RIMS1: variants seen among roughly 807,000 people sequenced by gnomAD.
RIMS1 encodes the protein regulating synaptic membrane exocytosis 1.
A neutral mutation model predicts 214.1 loss-of-function variants in RIMS1; 83 were observed. The observed-to-expected ratio is 0.39, with a 90% CI of 0.32 to 0.47. The LOEUF (loss-of-function observed/expected upper bound fraction) is 0.47, where lower values mean the gene tolerates loss of function less well. Among genes scored for constraint, RIMS1 ranks in the 20% least tolerant of loss-of-function variants. RIMS1 has a pLI of 0.99. For missense variants in RIMS1, 2,050 were observed against 2,161.8 expected (o/e 0.95, Z 1.03); for synonymous variants, 793 against 786.8 (o/e 1.01, Z -0.13).
chr6:71,924,739 G>GGAGGTTGCA (rs1487285936), intron 1 of RIMS1, among the ~76,000 whole-genome samples: 1 of 147,406 alleles, frequency 6.8e-6, no homozygotes, highest in Non-Finnish European at 1.5e-5. Context: ...CCCAGGAGGA[G>GGAGGTTGCA]GAGGTTGCAG....
chr6:72,125,961 T>TG (rs1304705121), intron 4 of RIMS1, among the ~76,000 whole-genome samples: 1 of 152,212 alleles, frequency 6.6e-6, no homozygotes, highest in East Asian at 1.9e-4. Flanking sequence ...GGCGACCCCC[T>TG]GCCCTGCTTT....
chr6:72,017,298 A>C (rs1179046737), intron 2 of RIMS1, among the ~76,000 whole-genome samples: 1 of 152,214 alleles, frequency 6.6e-6, no homozygotes, highest in East Asian at 1.9e-4. Flanking sequence ...TTGCCAGTGA[A>C]AACAGTGGTA....
At chr6:71,895,705 A>G (rs903456879) in intron 1 of RIMS1, among the ~76,000 whole-genome samples, 17 of 128,080 alleles carry the variant, frequency 1.3e-4, no homozygotes, top group South Asian at 5.4e-4. Flanking sequence ...AAAGAAGGAA[A>G]GAAAGAAACT....
At chr6:72,342,969 A>ATT (rs1345797772) in intron 29 of RIMS1, among the ~76,000 whole-genome samples, 1 of 151,788 alleles carries the variant, frequency 6.6e-6, no homozygotes, top group Non-Finnish European at 1.5e-5. Context: ...GTATTAACAA[A>ATT]TGGAGAGAGT....
intron 16 of RIMS1, among the ~76,000 whole-genome samples, chr6:72,257,777 A>G (rs930533899): frequency 6.6e-6 from 1 of 152,222 alleles, no homozygotes; most frequent in Non-Finnish European, 1.5e-5. Context: ...TATTAACTAT[A>G]GTTTCATGTC....
chr6:72,227,982 CCACTT>C (rs2060742108), intron 6 of RIMS1, among the ~76,000 whole-genome samples: 1 of 151,700 alleles, frequency 6.6e-6, no homozygotes, highest in African/African-American at 2.4e-5. Flanking sequence ...TTTTTAAAAA[CCACTT>C]CACTGAGGTA....
chr6:71,929,624 G>A (rs1782484628), intron 1 of RIMS1, among the ~76,000 whole-genome samples: 1 of 152,004 alleles, frequency 6.6e-6, no homozygotes, highest in Non-Finnish European at 1.5e-5. Flanking sequence ...TTAATCAGAA[G>A]GGAGAAGATT....
In RIMS1 at chr6:72,196,580, C is replaced by CTTTTTTTGTTTTTTT. The variant is rs2050980268; in HGVS notation, c.1678+13438_1678+13439insGTTTTTTTTTTTTTT. Among the ~76,000 whole-genome samples, 2 of 57,214 alleles carry CTTTTTTTGTTTTTTT rather than the reference C, an allele frequency of 3.5e-5. 1 individual carries two copies. The highest frequency in any genetic ancestry group is 1.6e-4 in the African/African-American group (2 of 12,658). 37.5% of individuals were successfully genotyped at this position (57,214 alleles called of 152,430 possible). On this transcript the variant is annotated intron_variant, in intron 6 of 33. Transcript: ENST00000521978. ...AGTACTGTGCTGGCAGCCAGCTGCA[C>CTTTTTTTGTTTTTTT]TTTTTTTTTTTTTTTTTTTTTTTAC...
At position 71,997,137 on chromosome 6, in the gene RIMS1, G is replaced by A. The variant is rs571572727; in HGVS notation, c.245+28074G>A. 2.0e-5 allele frequency among the ~76,000 whole-genome samples: 3 copies of A among 152,204 alleles called. No homozygotes were observed. In the East Asian group the frequency reaches 5.8e-4, roughly 29 times the overall value. On this transcript the variant is annotated intron_variant, in intron 2 of 33. Transcript: ENST00000521978. ...ATGAAGTAACTTAATTACTTTTGAA[G>A]AAAGGCAAAGTTCACTTTCATGTAA...
At chr6:72,096,675 G>A (rs577072711) in intron 2 of RIMS1, among the ~76,000 whole-genome samples, 22 of 152,292 alleles carry the variant, frequency 1.4e-4, no homozygotes, top group African/African-American at 5.1e-4. Flanking sequence ...GCATGGAATA[G>A]ATACTCAAAT....
chr6:72,302,710 T>C (rs1032261233), intron 26 of RIMS1, among the ~76,000 whole-genome samples: 26 of 151,630 alleles, frequency 1.7e-4, no homozygotes, highest in African/African-American at 5.8e-4. Flanking sequence ...TCACAAAATA[T>C]GATAGCACAT....
intron 24 of RIMS1, among the ~76,000 whole-genome samples, chr6:72,288,596 C>T (rs1240799548): frequency 6.6e-6 from 1 of 152,212 alleles, no homozygotes; most frequent in East Asian, 1.9e-4. Flanking sequence ...TTCAACTTTA[C>T]ACTCTGTACC....
chr6:72,166,298 CTGT>C (rs1207174846), intron 4 of RIMS1, among the ~76,000 whole-genome samples: 5 of 108,790 alleles, frequency 4.6e-5, no homozygotes, highest in Non-Finnish European at 1.1e-4. Flanking sequence ...TCCTTGGTGT[CTGT>C]TTTTTTTTTT....
In RIMS1 at chr6:72,158,866, A is replaced by G. The variant is rs1202987334; in HGVS notation, c.472-20709A>G. 1.4e-5 allele frequency among the ~76,000 whole-genome samples: 2 copies of G among 140,446 alleles called. 1 individual carries two copies. The highest frequency in any genetic ancestry group is 3.2e-5 in the Non-Finnish European group (2 of 61,882). The allele number at this position is 140,446 out of a possible 152,430, so 92.1% of individuals were successfully genotyped here. A position where few individuals can be genotyped will look rare whatever the true frequency, so the allele number is the denominator to read the frequency against. On this transcript the variant is annotated intron_variant, in intron 4 of 33. Coordinates refer to ENST00000521978, the MANE Select transcript of RIMS1 (RefSeq NM_014989.7). ...TATTGTGAATGGTGTGGCAATAAAC[A>G]TATGTGTGCATGTGTCTTTATAGCA...
At chr6:72,333,550 G>A (rs2096741501) in intron 28 of RIMS1, 50 bp from the exon 29 acceptor site, 4 of 1,345,834 alleles carry the variant, frequency 3.0e-6, no homozygotes, top group Middle Eastern at 3.6e-4. Flanking sequence ...TTTCAGTGAT[G>A]CTGACCTGTA....
intron 4 of RIMS1, among the ~76,000 whole-genome samples, chr6:72,152,238 C>G (rs554005659): frequency 8.7e-4 from 133 of 152,262 alleles, no homozygotes; most frequent in African/African-American, 3.1e-3. Context: ...TTTTATAGCA[C>G]TTACTATGTG....
chr6:72,066,441 T>C (rs1829314077), intron 2 of RIMS1, among the ~76,000 whole-genome samples: 2 of 152,192 alleles, frequency 1.3e-5, no homozygotes, highest in South Asian at 2.1e-4. Context: ...TCATCATACA[T>C]TTTCAGATTT....
At chr6:72,302,134 T>C (rs188077182) in intron 26 of RIMS1, among the ~76,000 whole-genome samples, 1 of 151,708 alleles carries the variant, frequency 6.6e-6, no homozygotes, top group East Asian at 1.9e-4. Context: ...ATATCAGGAA[T>C]TGATCAAAGG....
chr6:72,081,160 G>A (rs1833283372), intron 2 of RIMS1, among the ~76,000 whole-genome samples: 1 of 152,160 alleles, frequency 6.6e-6, no homozygotes, highest in Non-Finnish European at 1.5e-5. Flanking sequence ...GGGTAAGAAA[G>A]GATGAGACCC....
Sources: gnomAD v4.1 joint callset for allele counts (sites outside exome capture counted in the v4.1 genomes callset) on GRCh38, gnomAD v4.1.1 for gene constraint, MANE v1.5 for transcripts, NCBI Gene and HGNC (gene_info 2026-07-23, HGNC 2026-07-21) for gene names.